Variants in UBE2R2 observed in about 807,000 individuals in gnomAD.
The protein encoded by UBE2R2 is ubiquitin-conjugating enzyme E2 R2.
UBE2R2 carries 1 observed loss-of-function variant against 27.8 expected under a neutral mutation model. The ratio of observed to expected loss-of-function variants is 0.04; its 90% CI spans 0.01 to 0.17. The LOEUF is 0.17. Among genes scored for constraint, UBE2R2 ranks in the 10% least tolerant of loss-of-function variants. The probability of loss-of-function intolerance (pLI) is 1.00; values close to 1 mark genes in which losing one functional copy is unlikely to be tolerated. For synonymous variants in UBE2R2, 106 were observed against 113.3 expected (o/e 0.94, Z 0.41); for missense variants, 100 against 291.0 (o/e 0.34, Z 4.78).
intron 3 of UBE2R2, 56 bp from the exon 4 acceptor site, chr9:33,911,908 C>G (rs1302608411): frequency 1.3e-6 from 2 of 1,530,124 alleles, no homozygotes; most frequent in African/African-American, 2.8e-5. Flanking sequence ...AAGCAGAATA[C>G]TTTTAAATAC....
At chr9:33,847,550 C>T (rs1238168292) in intron 1 of UBE2R2, among the ~76,000 whole-genome samples, 2 of 152,092 alleles carry the variant, frequency 1.3e-5, no homozygotes, top group East Asian at 3.9e-4. Flanking sequence ...GCCTTTGGTT[C>T]ACTGAGCTTC....
At chr9:33,884,148 C>T (rs985164234) in intron 1 of UBE2R2, among the ~76,000 whole-genome samples, 1 of 140,010 alleles carries the variant, frequency 7.1e-6, no homozygotes, top group Non-Finnish European at 1.5e-5. Context: ...ACTGACAGAG[C>T]AAGACCCTGT....
intron 2 of UBE2R2, among the ~76,000 whole-genome samples, chr9:33,896,680 C>T (rs1587475983): frequency 6.6e-6 from 1 of 151,554 alleles, no homozygotes; most frequent in African/African-American, 2.4e-5. Context: ...GATCTCCTGA[C>T]CTGGTGATCT....
chr9:33,861,744 G>T (rs1821241410), intron 1 of UBE2R2, among the ~76,000 whole-genome samples: 1 of 151,576 alleles, frequency 6.6e-6, no homozygotes, highest in Non-Finnish European at 1.5e-5. Flanking sequence ...AATGTTTTTT[G>T]ATGGAGTAAA....
At chr9:33,884,201 T>TCTCTCTCTCTCTCTCTCTCC (rs1821799721) in intron 1 of UBE2R2, among the ~76,000 whole-genome samples, 2 of 101,736 alleles carry the variant, frequency 2.0e-5, no homozygotes, top group Non-Finnish European at 3.8e-5. Context: ...CTTAAGAATC[T>TCTCTCTCTCTCTCTCTCTCC]CTCTCTCTCT....
At chr9:33,844,265 C>T (rs902129492) in intron 1 of UBE2R2, among the ~76,000 whole-genome samples, 3 of 152,032 alleles carry the variant, frequency 2.0e-5, no homozygotes, top group Non-Finnish European at 2.9e-5. Flanking sequence ...AGTGCAGTGG[C>T]GCGATCTCCG....
intron 1 of UBE2R2, among the ~76,000 whole-genome samples, chr9:33,880,786 C>T (rs1245509465): frequency 2.0e-5 from 3 of 152,128 alleles, no homozygotes; most frequent in South Asian, 2.1e-4. Context: ...TCAAGGAGTG[C>T]GAACCCTGTT....
intron 3 of UBE2R2, among the ~76,000 whole-genome samples, chr9:33,910,990 G>C (rs182906352): frequency 3.4e-4 from 52 of 152,248 alleles, no homozygotes; most frequent in Admixed American, 1.6e-3. Flanking sequence ...TGTAATCCCA[G>C]CTACTCAGGA....
chr9:33,835,090 A>G (rs1328947409), intron 1 of UBE2R2, among the ~76,000 whole-genome samples: 2 of 151,226 alleles, frequency 1.3e-5, no homozygotes, highest in African/African-American at 4.9e-5. Context: ...TTGAAACTTA[A>G]TATGAATATG....
intron 1 of UBE2R2, among the ~76,000 whole-genome samples, chr9:33,865,868 G>C (rs1334302521): frequency 7.2e-6 from 1 of 138,450 alleles, no homozygotes; most frequent in Non-Finnish European, 1.5e-5. Context: ...TCTCACTCTT[G>C]TTGCCCAGGC....
chr9:33,898,444 G>A (rs1822172649), intron 2 of UBE2R2, among the ~76,000 whole-genome samples: 1 of 151,282 alleles, frequency 6.6e-6, no homozygotes, highest in South Asian at 2.1e-4. Context: ...AAGGCAGTGT[G>A]TTAGAATATA....
At chr9:33,855,207 C>G (rs1821075830) in intron 1 of UBE2R2, among the ~76,000 whole-genome samples, 1 of 151,790 alleles carries the variant, frequency 6.6e-6, no homozygotes, top group Non-Finnish European at 1.5e-5. Context: ...ATTTTTTTGT[C>G]TTGAATTTCA....
intron 1 of UBE2R2, chr9:33,818,743 C>CTTCCTACTTTCAGT (rs1825898792): frequency 6.6e-6 from 1 of 152,068 alleles, no homozygotes; most frequent in South Asian, 2.1e-4. Context: ...TGTAGGGAGA[C>CTTCCTACTTTCAGT]TGATAGCTTC....
Position 33,918,051 on chromosome 9 carries a change from A to C in UBE2R2, c.*814A>C, listed in dbSNP as rs1418155141. The C allele has an allele frequency of 1.3e-5, 2 of 153,672 alleles. No individual in the cohort carries two copies. Among genetic ancestry groups the C allele is most frequent in the African/African-American group, 4.8e-5 (2 of 41,432 alleles). 9.5% of individuals were successfully genotyped at this position (153,672 alleles called of 1,614,324 possible). On this transcript the variant is annotated 3_prime_UTR_variant, in exon 5 of 5. Coordinates refer to ENST00000263228, the MANE Select transcript of UBE2R2 (RefSeq NM_017811.4). ...GTTATTTCCCCCCAGGGAGTGGGGC[A>C]AGCGGGGAAGTTGGGATGAGTGCGT... is the stretch of plus-strand genomic sequence containing the variant.
intron 1 of UBE2R2, among the ~76,000 whole-genome samples, chr9:33,852,933 A>G (rs1467970135): frequency 6.6e-6 from 1 of 152,104 alleles, no homozygotes; most frequent in Non-Finnish European, 1.5e-5. Flanking sequence ...GCTTGAACCC[A>G]GGAGGCGGAG....
intron 2 of UBE2R2, among the ~76,000 whole-genome samples, chr9:33,892,156 G>C (rs1245561592): frequency 2.0e-5 from 3 of 152,036 alleles, no homozygotes; most frequent in Non-Finnish European, 4.4e-5. Context: ...TTTGTCATCA[G>C]TGATGGTACT....
intron 2 of UBE2R2, among the ~76,000 whole-genome samples, chr9:33,898,929 G>A (rs1473114389): frequency 6.6e-6 from 1 of 152,164 alleles, no homozygotes; most frequent in Non-Finnish European, 1.5e-5. Flanking sequence ...TAACCTAAAT[G>A]TACTTGTGGA....
At chr9:33,861,205 C>G (rs1587451777) in intron 1 of UBE2R2, among the ~76,000 whole-genome samples, 1 of 150,558 alleles carries the variant, frequency 6.6e-6, no homozygotes, top group Admixed American at 6.6e-5. Flanking sequence ...CATGATCCGC[C>G]CGCCTCGGCC....
At chr9:33,905,639 T>C (rs1822337574) in intron 3 of UBE2R2, among the ~76,000 whole-genome samples, 1 of 152,250 alleles carries the variant, frequency 6.6e-6, no homozygotes, top group African/African-American at 2.4e-5. Context: ...AGAGAAACTT[T>C]ATAATAATGT....
Sources: gnomAD v4.1 joint callset for allele counts (sites outside exome capture counted in the v4.1 genomes callset) on GRCh38, gnomAD v4.1.1 for gene constraint, MANE v1.5 for transcripts, NCBI Gene and HGNC (gene_info 2026-07-23, HGNC 2026-07-21) for gene names.